DNAH10: variants seen among roughly 807,000 people sequenced by gnomAD.
The protein encoded by DNAH10 is dynein axonemal heavy chain 10, also known as axonemal beta dynein heavy chain 10.
Under a neutral mutation model 506.6 loss-of-function variants are expected in DNAH10, and 348 were observed. That is an observed-to-expected ratio of 0.69 (90% CI 0.63 to 0.75). The LOEUF (loss-of-function observed/expected upper bound fraction) is 0.75, where lower values mean the gene tolerates loss of function less well. DNAH10 is among the 30% of genes least tolerant of loss of function. The probability of loss-of-function intolerance (pLI) is 0.00; values close to 1 mark genes in which losing one functional copy is unlikely to be tolerated. For synonymous variants in DNAH10, 2,059 were observed against 2,198.6 expected (o/e 0.94, Z 1.78); for missense variants, 5,179 against 5,787.1 (o/e 0.89, Z 3.41).
In DNAH10 at chr12:123,913,315, G is replaced by T; in HGVS notation, c.10352G>T (p.Arg3451Met). The T allele has an allele frequency of 6.3e-7, 1 of 1,585,962 alleles. No individual in the cohort carries two copies. Among genetic ancestry groups the T allele is most frequent in the South Asian group, 1.1e-5 (1 of 87,380 alleles). ...TCGGGTCTGGGGTCAGAAAACATCAGGTTAGCGCTGCTCACGAGCCCACCT... is the reference window on the plus strand; with the variant it reads ...TCGGGTCTGGGGTCAGAAAACATCATGTTAGCGCTGCTCACGAGCCCACCT... ...LISGLGSENI[R>M]WLNDLDELMH... The change falls in exon 60 of 79, where the codon AGG (arginine) becomes ATG (methionine). Residue 3451 changes from arginine to methionine, a missense_variant and splice_region_variant. By Grantham distance (91) the Arg-to-Met change is moderately conservative. Around this residue, in one of 3 missense-constraint regions of DNAH10, gnomAD observed 4,844 missense variants for 5,430.5 expected, o/e 0.89. Coordinates refer to ENST00000673944, the MANE Select transcript of DNAH10 (RefSeq NM_001372106.1). The surrounding 1 kb of genome is among the most constrained non-coding windows in gnomAD (Gnocchi z 5.1).
rs192302078 is a variant in DNAH10 at position 123,910,928 on chromosome 12, C to A, written c.10134+256C>A. Among the ~76,000 whole-genome samples the A allele has an allele frequency of 3.4e-3, 520 of 152,100 alleles. 9 individuals carry two copies. The highest frequency in any genetic ancestry group is 3.3e-3 in the East Asian group (17 of 5,156). On this transcript the variant is annotated intron_variant, in intron 59 of 78. Coordinates refer to ENST00000673944, the MANE Select transcript of DNAH10 (RefSeq NM_001372106.1). ...AAGTGTAGTATAAAGATGTTCAGAC[C>A]AGGCGTGGTAGCTCATGCCTGTAAT...
At chr12:123,831,929 C>T (rs1960600325) in intron 26 of DNAH10, among the ~76,000 whole-genome samples, 1 of 150,764 alleles carries the variant, frequency 6.6e-6, no homozygotes, top group Non-Finnish European at 1.5e-5. Flanking sequence ...AGGAAAGGTA[C>T]GGCCAAAATA....
rs372063977 is a variant in DNAH10, at chr12:123,789,913, G to T, written c.1621-14G>T. ...CCAAATGTAATCTCCTCATTGTTCCGTTTGATTGGACAGATTTTGGAGGAA... is the reference window on the plus strand; with the variant it reads ...CCAAATGTAATCTCCTCATTGTTCCTTTTGATTGGACAGATTTTGGAGGAA... On this transcript the variant is annotated splice_polypyrimidine_tract_variant and intron_variant, in intron 10 of 78. Coordinates refer to ENST00000673944, the MANE Select transcript of DNAH10 (RefSeq NM_001372106.1). 6.2e-7 allele frequency: 1 copy of T among 1,606,218 alleles called. No homozygotes were observed. The highest frequency in any genetic ancestry group is 8.5e-7 in the Non-Finnish European group (1 of 1,174,754).
At chr12:123,797,058 A>G (rs1218904888) in intron 13 of DNAH10, among the ~76,000 whole-genome samples, 1 of 152,108 alleles carries the variant, frequency 6.6e-6, no homozygotes, top group African/African-American at 2.4e-5. Flanking sequence ...TTTTTAGTAG[A>G]GGTGGGATTT....
At chr12:123,824,780 T>A (rs980881361) in intron 24 of DNAH10, among the ~76,000 whole-genome samples, 2 of 152,142 alleles carry the variant, frequency 1.3e-5, no homozygotes, top group Non-Finnish European at 1.5e-5. Context: ...TGTGCCTCTG[T>A]GTCTGTTTTC....
intron 19 of DNAH10, among the ~76,000 whole-genome samples, chr12:123,810,819 T>C (rs1037099895): frequency 1.3e-5 from 2 of 152,224 alleles, no homozygotes; most frequent in Non-Finnish European, 2.9e-5. Flanking sequence ...GTATGTTTCC[T>C]TTGTAAGGGA....
chr12:123,894,542 G>A (rs2137196286), intron 53 of DNAH10, 101 bp from the exon 54 acceptor site: 3 of 1,064,144 alleles, frequency 2.8e-6, no homozygotes, highest in East Asian at 5.1e-5. Context: ...ACAGGTGTGA[G>A]CCACCACACC....
At position 123,924,273 on chromosome 12, in the gene DNAH10, A is replaced by AT; in HGVS notation, c.11612-3dup. 1 of 1,606,208 alleles carries AT rather than the reference A, an allele frequency of 6.2e-7. No individual in the cohort carries two copies. The highest frequency in any genetic ancestry group is 8.5e-7 in the Non-Finnish European group (1 of 1,174,586). ...GGCTGCTTGCTTCTCTTCTGTTGTG[A>AT]TTAGGAAACATTTCCCTGGAGAAAA... On this transcript the variant is annotated splice_region_variant and splice_polypyrimidine_tract_variant and intron_variant, in intron 66 of 78. Coordinates refer to ENST00000673944, the MANE Select transcript of DNAH10 (RefSeq NM_001372106.1).
intron 21 of DNAH10, among the ~76,000 whole-genome samples, chr12:123,816,526 C>T (rs935386249): frequency 2.6e-5 from 4 of 152,146 alleles, no homozygotes; most frequent in African/African-American, 9.7e-5. Context: ...TGTGCACCCC[C>T]CAACCCCATA....
At position 123,859,275 on chromosome 12, in the gene DNAH10, A is replaced by T; in HGVS notation, c.6749+7A>T. On this transcript the variant is annotated splice_region_variant and intron_variant, in intron 38 of 78. Transcript: ENST00000673944. Reference sequence around the variant, plus strand: ...TGTGTCAGGCCCAGACCAAGTGAGTATGACCTCCGTAGGGAGGGCCTGGCT... The same window carrying T: ...TGTGTCAGGCCCAGACCAAGTGAGTTTGACCTCCGTAGGGAGGGCCTGGCT... 6.3e-7 allele frequency: 1 copy of T among 1,588,566 alleles called. No homozygotes were observed. Among genetic ancestry groups the T allele is most frequent in the Non-Finnish European group, 8.6e-7 (1 of 1,169,488 alleles).
intron 24 of DNAH10, among the ~76,000 whole-genome samples, chr12:123,822,662 G>A (rs369156495): frequency 2.6e-5 from 4 of 152,078 alleles, no homozygotes; most frequent in African/African-American, 9.7e-5. Flanking sequence ...GATTTGTGAT[G>A]AGGAATTGGC....
chr12:123,826,492 T>G (rs890510071), intron 24 of DNAH10, among the ~76,000 whole-genome samples, 195 bp from the exon 25 acceptor site: 5 of 152,374 alleles, frequency 3.3e-5, no homozygotes, highest in South Asian at 2.1e-4. Flanking sequence ...TTGCAAAAGC[T>G]TACAAAAAGT....
chr12:123,816,987 T>G (rs1959164961), intron 21 of DNAH10, among the ~76,000 whole-genome samples: 1 of 152,218 alleles, frequency 6.6e-6, no homozygotes, highest in African/African-American at 2.4e-5. Context: ...TGGGTTTTTT[T>G]TATCCCTTCT....
intron 40 of DNAH10, among the ~76,000 whole-genome samples, chr12:123,865,560 TA>T (rs1951772676): frequency 6.6e-6 from 1 of 152,232 alleles, no homozygotes; most frequent in South Asian, 2.1e-4. Context: ...TATGAAGTTT[TA>T]TACTGCCTGA....
At chr12:123,823,734 T>G (rs1050332882) in intron 24 of DNAH10, among the ~76,000 whole-genome samples, 2 of 152,142 alleles carry the variant, frequency 1.3e-5, no homozygotes, top group Admixed American at 1.3e-4. Context: ...CCCCTCAAGC[T>G]TTTATCCTTT....
rs1475407602 is a variant in DNAH10 at position 123,848,750 on chromosome 12, T to C, written c.5970T>C (p.Ser1990=). The C allele has an allele frequency of 6.2e-7, 1 of 1,613,898 alleles. No homozygotes were observed. Among genetic ancestry groups the C allele is most frequent in the East Asian group, 2.2e-5 (1 of 44,902 alleles). ...MDYRAVGKIF[S]GLAQCGAWGC... The stretch of plus-strand genomic sequence containing the variant: ...CCTAGGCCGTGGGGAAGATTTTCTC[T>C]GGCCTGGCACAGTGCGGGGCTTGGG... Residue 1990 remains serine, a synonymous_variant, in exon 34 of 79, where the codon TCT becomes TCC. Coordinates refer to ENST00000673944, the MANE Select transcript of DNAH10 (RefSeq NM_001372106.1).
At chr12:123,910,443 A>G in intron 58 of DNAH10, 93 bp from the exon 59 acceptor site, 8 of 1,490,362 alleles carry the variant, frequency 5.4e-6, no homozygotes, top group Non-Finnish European at 7.3e-6. Context: ...AGGGCCACTG[A>G]AGAATAAGAA....
At position 123,861,170 on chromosome 12, in the gene DNAH10, A is replaced by T; in HGVS notation, c.6908A>T (p.Lys2303Met). ...INKPTDKKER[K>M]YILFDGDVDA... ...AAGCCAACAGACAAGAAGGAGCGAA[A>T]GTGAGTATCTTTGTAGGTAGGAAAG... is the stretch of plus-strand genomic sequence containing the variant. Residue 2303 changes from lysine to methionine, a missense_variant and splice_region_variant, in exon 39 of 79, where the codon AAG (lysine) becomes ATG (methionine). Lys to Met is a moderately conservative substitution (Grantham distance 95, BLOSUM62 -1). Around this residue, in one of 3 missense-constraint regions of DNAH10, gnomAD observed 4,844 missense variants for 5,430.5 expected, o/e 0.89. Coordinates refer to ENST00000673944, the MANE Select transcript of DNAH10 (RefSeq NM_001372106.1). The T allele has an allele frequency of 6.2e-7, 1 of 1,613,690 alleles. No homozygotes were observed. Among genetic ancestry groups the T allele is most frequent in the South Asian group, 1.1e-5 (1 of 91,012 alleles).
At chr12:123,868,767 G>A (rs1378079056) in intron 43 of DNAH10, among the ~76,000 whole-genome samples, 1 of 152,166 alleles carries the variant, frequency 6.6e-6, no homozygotes, top group African/African-American at 2.4e-5. Context: ...CTTACCTGGT[G>A]GTCTTTTTAA....
Sources: gnomAD v4.1 joint callset for allele counts (sites outside exome capture counted in the v4.1 genomes callset) on GRCh38, gnomAD v4.1.1 for gene constraint, gnomAD v4.1.1 regional missense constraint, Gnocchi (gnomAD v3.1) non-coding constraint, MANE v1.5 for transcripts, NCBI Gene and HGNC (gene_info 2026-07-23, HGNC 2026-07-21) for gene names.